MAMLD1: variants seen among roughly 807,000 people sequenced by gnomAD.
MAMLD1 encodes mastermind-like domain-containing protein 1.
In MAMLD1, 14 loss-of-function variants were observed where a neutral mutation model predicts 45.0. The ratio of observed to expected loss-of-function variants is 0.31; its 90% CI spans 0.21 to 0.49. The LOEUF is 0.49. Among genes scored for constraint, MAMLD1 ranks in the 20% least tolerant of loss-of-function variants. The pLI is 0.99. For synonymous variants in MAMLD1, 254 were observed against 247.8 expected, an observed-to-expected ratio of 1.02 and a Z score of -0.24; for missense variants, 543 against 603.6, an observed-to-expected ratio of 0.90 and a Z score of 1.05.
intron 2 of MAMLD1, among the ~76,000 whole-genome samples, chrX:150,455,500 TA>T (rs1488929149): frequency 9.0e-6 from 1 of 111,148 alleles, no homozygotes; most frequent in Non-Finnish European, 1.9e-5. Context: ...AGATCATATT[TA>T]TTTGGTATCT....
intron 1 of MAMLD1, among the ~76,000 whole-genome samples, chrX:150,378,341 G>A (rs1345733498): frequency 8.9e-6 from 1 of 112,439 alleles, no homozygotes; most frequent in Admixed American, 9.4e-5. Context: ...GGTCCACGAT[G>A]TTAGTTCCAT....
At position 150,513,574 on chromosome X, in the gene MAMLD1, T is replaced by C; in HGVS notation, c.*1615T>C. ...ATTTCTATGTTCACTAAAAATCCTA[T>C]TGCCTTGTGTGATTCTTAATCTCTT... On this transcript the variant is annotated 3_prime_UTR_variant, in exon 8 of 8. Coordinates refer to ENST00000370401, the MANE Select transcript of MAMLD1 (RefSeq NM_005491.5). 2 of 296,238 alleles carry C rather than the reference T, an allele frequency of 6.8e-6. No individual in the cohort carries two copies. Among genetic ancestry groups the C allele is most frequent in the Non-Finnish European group, 5.9e-6 (1 of 169,724 alleles). 24.4% of individuals were successfully genotyped at this position (296,238 alleles called of 1,213,427 possible).
intron 2 of MAMLD1, among the ~76,000 whole-genome samples, chrX:150,454,689 A>T (rs1179379200): frequency 2.7e-5 from 3 of 110,491 alleles, no homozygotes; most frequent in African/African-American, 9.9e-5. Context: ...TACTGTGGGA[A>T]CTCACCCTGA....
chrX:150,362,493 C>T (rs1212966560), upstream of MAMLD1, among the ~76,000 whole-genome samples: 1 of 108,639 alleles, frequency 9.2e-6, no homozygotes, highest in African/African-American at 3.4e-5. Flanking sequence ...GTGTCTCTAC[C>T]TCTATCTCCG....
At chrX:150,460,193 A>G (rs1246861896) in intron 2 of MAMLD1, among the ~76,000 whole-genome samples, 1 of 112,048 alleles carries the variant, frequency 8.9e-6, no homozygotes, top group Admixed American at 9.4e-5. Flanking sequence ...GATGGGGCCA[A>G]TCCAACAGGC....
At chrX:150,432,085 GT>G (rs1176693068) in intron 1 of MAMLD1, among the ~76,000 whole-genome samples, 7 of 87,239 alleles carry the variant, frequency 8.0e-5, no homozygotes, top group Admixed American at 1.1e-4. Flanking sequence ...CACAACCTCT[GT>G]TTTTTTTTTA....
intron 5 of MAMLD1, among the ~76,000 whole-genome samples, chrX:150,488,400 G>A (rs2037065509): frequency 8.9e-6 from 1 of 112,821 alleles, no homozygotes; most frequent in African/African-American, 3.2e-5. Flanking sequence ...AACAGCCTGA[G>A]TCTCCTGACT....
chrX:150,398,337 A>AGGG (rs34776858), intron 1 of MAMLD1, among the ~76,000 whole-genome samples: 1 of 52,320 alleles, frequency 1.9e-5, no homozygotes, highest in South Asian at 8.8e-4. Flanking sequence ...AAGAAGAAGA[A>AGGG]GAAGAGGAAG....
At chrX:150,488,145 G>A (rs977884948) in intron 5 of MAMLD1, among the ~76,000 whole-genome samples, 7 of 112,361 alleles carry the variant, frequency 6.2e-5, no homozygotes, top group Non-Finnish European at 1.3e-4. Context: ...CTTCTCTCTG[G>A]GAAGCTGGTG....
chrX:150,505,960 G>C (rs1300215483), intron 6 of MAMLD1, among the ~76,000 whole-genome samples: 1 of 112,765 alleles, frequency 8.9e-6, no homozygotes, highest in Non-Finnish European at 1.9e-5. Context: ...CCACCCATGT[G>C]GGGGTGGGGG....
At position 150,513,061 on chromosome X, in the gene MAMLD1, T is replaced by C. The variant is rs1569565080; in HGVS notation, c.*1102T>C. ...ATTCTGGGCAAGTCACCCAGGATGC[T>C]GGGGCACTTTAAATCTGAGCAGGAT... On this transcript the variant is annotated 3_prime_UTR_variant, in exon 8 of 8. Coordinates refer to ENST00000370401, the MANE Select transcript of MAMLD1 (RefSeq NM_005491.5). The C allele has an allele frequency of 7.8e-6, 9 of 1,150,248 alleles. No homozygotes were observed. Among genetic ancestry groups the C allele is most frequent in the Non-Finnish European group, 8.1e-6 (7 of 868,560 alleles). 94.8% of individuals were successfully genotyped at this position (1,150,248 alleles called of 1,213,427 possible).
chrX:150,489,701 G>A (rs964161972), intron 5 of MAMLD1, among the ~76,000 whole-genome samples: 29 of 109,846 alleles, frequency 2.6e-4, no homozygotes, highest in African/African-American at 9.6e-4. Context: ...TTCCCTCGAT[G>A]TTTGTGGTAG....
chrX:150,449,873 T>C (rs2035607019), intron 2 of MAMLD1, among the ~76,000 whole-genome samples: 4 of 111,731 alleles, frequency 3.6e-5, no homozygotes, highest in Admixed American at 2.8e-4. Context: ...TTTGAGCGTC[T>C]CTCTTGTGCA....
chrX:150,367,972 G>C (rs1267681976), intron 1 of MAMLD1, among the ~76,000 whole-genome samples: 1 of 111,246 alleles, frequency 9.0e-6, no homozygotes. Context: ...ATGGACATTT[G>C]GGTTGGTTCC....
intron 1 of MAMLD1, among the ~76,000 whole-genome samples, chrX:150,364,707 T>G (rs925777852): frequency 1.8e-5 from 2 of 112,905 alleles, no homozygotes; most frequent in Admixed American, 1.8e-4. Flanking sequence ...GGACATTGTC[T>G]GCAAGGGCGA....
At chrX:150,474,401 A>T (rs1466015362) in intron 5 of MAMLD1, among the ~76,000 whole-genome samples, 1 of 112,522 alleles carries the variant, frequency 8.9e-6, no homozygotes, top group Non-Finnish European at 1.9e-5. Flanking sequence ...AGGTTGTCTG[A>T]GGACTAAGTG....
At chrX:150,503,944 C>G in intron 6 of MAMLD1, 1 of 452,901 alleles carries the variant, frequency 2.2e-6, no homozygotes, top group Non-Finnish European at 2.7e-6. Context: ...CACCTGATAC[C>G]TGCCTGCTTG....
chrX:150,469,653 CTCTGTGTGTGTG>C (rs1451018438), intron 3 of MAMLD1, 80 bp from the exon 4 acceptor site: 34 of 483,052 alleles, frequency 7.0e-5, no homozygotes, highest in East Asian at 8.5e-5. Flanking sequence ...CTCTCTCTCT[CTCTGTGTGTGTG>C]TGTGTGTGTG....
At chrX:150,468,118 TC>T (rs782146813) in intron 3 of MAMLD1, among the ~76,000 whole-genome samples, 1 of 111,622 alleles carries the variant, frequency 9.0e-6, no homozygotes, top group Non-Finnish European at 1.9e-5. Flanking sequence ...TTGGAAAAAC[TC>T]CCGATGCCTG....
Sources: gnomAD v4.1 joint callset for allele counts (sites outside exome capture counted in the v4.1 genomes callset) on GRCh38, gnomAD v4.1.1 for gene constraint, MANE v1.5 for transcripts, NCBI Gene and HGNC (gene_info 2026-07-23, HGNC 2026-07-21) for gene names.